Variants in CCDC171 observed in about 807,000 individuals in gnomAD.
CCDC171 encodes coiled-coil domain-containing protein 171.
Under a neutral mutation model 168.2 loss-of-function variants are expected in CCDC171, and 177 were observed. That is an observed-to-expected ratio of 1.05 (90% CI 0.93 to 1.19). The LOEUF (loss-of-function observed/expected upper bound fraction) is 1.19. Among genes scored for constraint, CCDC171 ranks in the 50% most tolerant of loss-of-function variants. The pLI is 0.00. For missense variants in CCDC171, 1,991 were observed against 1,539.0 expected (o/e 1.29, Z -4.91); for synonymous variants, 687 against 540.8 (o/e 1.27, Z -3.75).
At chr9:15,609,848 A>G (rs1170979118) in intron 6 of CCDC171, among the ~76,000 whole-genome samples, 3 of 152,158 alleles carry the variant, frequency 2.0e-5, no homozygotes, top group Non-Finnish European at 4.4e-5. Flanking sequence ...AGTTTCAGGA[A>G]TGGCTTATTG....
chr9:15,596,228 G>A (rs1284193150), intron 6 of CCDC171, among the ~76,000 whole-genome samples: 2 of 152,116 alleles, frequency 1.3e-5, no homozygotes, highest in African/African-American at 4.8e-5. Context: ...CCATGCCTAT[G>A]TCCTGAATGG....
At chr9:15,909,985 G>T (rs1270898170) in intron 24 of CCDC171, among the ~76,000 whole-genome samples, 12 of 152,084 alleles carry the variant, frequency 7.9e-5, no homozygotes, top group Non-Finnish European at 2.9e-5. Context: ...TCCAATATCT[G>T]TTATTCCACT....
intron 6 of CCDC171, among the ~76,000 whole-genome samples, chr9:15,618,130 C>G (rs950691027): frequency 2.0e-5 from 3 of 152,210 alleles, no homozygotes; most frequent in Admixed American, 1.3e-4. Flanking sequence ...TGCAGCCGCC[C>G]CTTCCCCCAG....
At chr9:15,715,994 G>C (rs370678177) in intron 11 of CCDC171, among the ~76,000 whole-genome samples, 1 of 152,152 alleles carries the variant, frequency 6.6e-6, no homozygotes, top group African/African-American at 2.4e-5. Flanking sequence ...AAAAGTGAGA[G>C]GGAGAGATCG....
chr9:16,057,677 G>A (rs996429195), intron 1 of CCDC171, among the ~76,000 whole-genome samples: 6 of 152,058 alleles, frequency 3.9e-5, no homozygotes, highest in African/African-American at 9.7e-5. Context: ...GCCCCCTCCC[G>A]CTTCCCTCCC....
chr9:15,647,475 A>G (rs1029538175), intron 7 of CCDC171, among the ~76,000 whole-genome samples: 2 of 152,180 alleles, frequency 1.3e-5, no homozygotes, highest in Non-Finnish European at 2.9e-5. Flanking sequence ...TTTTTAAAAG[A>G]TCAACAAAAT....
intron 6 of CCDC171, among the ~76,000 whole-genome samples, chr9:16,034,120 C>G (rs11789738): frequency 0.088 from 13,378 of 152,270 alleles, 778 homozygotes; most frequent in Non-Finnish European, 0.12. Context: ...AGTAGCATTT[C>G]CCGAAAGAAT....
chr9:15,569,838 C>CAAATACAA (rs373129900), intron 2 of CCDC171, among the ~76,000 whole-genome samples: 1 of 63,504 alleles, frequency 1.6e-5, no homozygotes, highest in East Asian at 1.1e-3. Flanking sequence ...AAACAAAAAA[C>CAAATACAA]AAACAAACAA....
rs1435201442 is a variant in CCDC171, at chr9:15,782,308, G to C, written c.3082-2201G>C. Among the ~76,000 whole-genome samples the C allele has an allele frequency of 2.0e-5, 3 of 152,186 alleles. No homozygotes were observed. In the East Asian group the frequency reaches 5.8e-4, roughly 29 times the overall value. ...CGTTCTTTAACAGCTAACTTCCCCA[G>C]TCTCATGATCTTTGTTTATTAGCTC... On this transcript the variant is annotated intron_variant, in intron 20 of 25. Coordinates refer to ENST00000380701, the MANE Select transcript of CCDC171 (RefSeq NM_173550.4).
chr9:15,578,005 T>C (rs563955934), intron 3 of CCDC171, among the ~76,000 whole-genome samples: 17 of 152,308 alleles, frequency 1.1e-4, no homozygotes, highest in Admixed American at 3.3e-4. Flanking sequence ...AAATTCGATA[T>C]TCGTTCATTT....
intron 3 of CCDC171, among the ~76,000 whole-genome samples, chr9:15,996,965 A>C (rs1425850987): frequency 6.6e-6 from 1 of 152,210 alleles, no homozygotes; most frequent in African/African-American, 2.4e-5. Flanking sequence ...TGGATTGGTC[A>C]TTGTGTCCTG....
chr9:15,648,133 C>G (rs866768382), intron 7 of CCDC171, among the ~76,000 whole-genome samples: 1 of 152,258 alleles, frequency 6.6e-6, no homozygotes, highest in Middle Eastern at 3.4e-3. Context: ...ATAAACAGAA[C>G]CAATGACAAA....
chr9:15,655,487 G>A (rs1450798507), intron 7 of CCDC171, among the ~76,000 whole-genome samples: 1 of 152,202 alleles, frequency 6.6e-6, no homozygotes, highest in East Asian at 1.9e-4. Flanking sequence ...AACAAAAATT[G>A]TATTCAAAAA....
intron 23 of CCDC171, among the ~76,000 whole-genome samples, chr9:15,859,976 G>C (rs2061493937): frequency 6.6e-6 from 1 of 151,522 alleles, no homozygotes; most frequent in South Asian, 2.1e-4. Flanking sequence ...CTCTGTTCAA[G>C]ACTTTCTATT....
chr9:15,610,444 TAAAAAAAAA>T (rs754593075), intron 6 of CCDC171, among the ~76,000 whole-genome samples: 303 of 12,670 alleles, frequency 0.024, 1 homozygote, highest in African/African-American at 0.064. Flanking sequence ...CCATCTCAAC[TAAAAAAAAA>T]AAAAAAAAAA....
Position 15,695,247 on chromosome 9 carries a change from C to G in CCDC171, c.1228C>G (p.Gln410Glu), listed in dbSNP as rs200536745. The G allele has an allele frequency of 2.4e-5, 38 of 1,613,062 alleles. No homozygotes were observed. The African/African-American group carries it at 4.3e-4, about 18-fold the overall frequency. ...TCTTAATTAAAAGGCTAAGAAGCAC[C>G]AGGCCTTCCTAGTAGAGACATGTGA... ...QEELVMAKKH[Q>E]AFLVETCENN... The change falls in exon 11 of 26, where the codon CAG becomes GAG. Residue 410 changes from glutamine (Q) to glutamate (E), a missense_variant. Physicochemically the swap from Gln to Glu is conservative, Grantham distance 29. Transcript: ENST00000380701.
At chr9:15,646,051 A>G (rs566450112) in intron 7 of CCDC171, among the ~76,000 whole-genome samples, 37 of 152,332 alleles carry the variant, frequency 2.4e-4, no homozygotes, top group African/African-American at 5.1e-4. Context: ...TGGATCTCTC[A>G]GCAGAAACTC....
Position 15,727,995 on chromosome 9 carries a change from G to A in CCDC171, c.1819G>A (p.Val607Ile). The A allele has an allele frequency of 6.2e-7, 1 of 1,613,082 alleles. No individual in the cohort carries two copies. The highest frequency in any genetic ancestry group is 1.1e-5 in the South Asian group (1 of 90,924). ...GCTTTGTGCAGTCTTACAGGAGAAT[G>A]TTGATGCCCTGATTGCAGACCTCAA... ...SELCAVLQEN[V>I]DALIADLNRA... The change falls in exon 15 of 26, where the codon GTT becomes ATT. Residue 607 changes from valine (V) to isoleucine (I), a missense_variant. Transcript: ENST00000380701.
At chr9:16,095,678 AGG>A in the CCDC171 span, among the ~76,000 whole-genome samples, 3 of 152,028 alleles carry the variant, frequency 2.0e-5, no homozygotes, top group Non-Finnish European at 2.9e-5. Flanking sequence ...ATCATAGAGC[AGG>A]AGCTTTGGTG....
Sources: allele counts gnomAD v4.1 joint callset (sites outside exome capture counted in the v4.1 genomes callset), GRCh38; gene constraint gnomAD v4.1.1; transcripts MANE v1.5; gene names NCBI Gene and HGNC (gene_info 2026-07-23, HGNC 2026-07-21).